Variants in ASIC2 observed in about 807,000 individuals in gnomAD.
ASIC2 encodes the protein acid sensing ion channel subunit 2, also known as acid-sensing ion channel 2.
ASIC2 carries 25 observed loss-of-function variants against 57.3 expected under a neutral mutation model. The observed-to-expected ratio is 0.44, with a 90% CI of 0.32 to 0.61. The LOEUF is 0.61. Ranked by LOEUF, ASIC2 falls within the 20% of genes least tolerant of loss-of-function variation. The probability of loss-of-function intolerance (pLI) is 0.06; values close to 1 mark genes in which losing one functional copy is unlikely to be tolerated. For synonymous variants in ASIC2, 319 were observed against 307.5 expected (o/e 1.04, Z -0.39); for missense variants, 641 against 738.1 (o/e 0.87, Z 1.52).
intron 1 of ASIC2, among the ~76,000 whole-genome samples, chr17:33,113,711 T>C (rs1289203855): frequency 6.6e-6 from 1 of 152,262 alleles, no homozygotes; most frequent in Non-Finnish European, 1.5e-5. Context: ...GCTTATCTGT[T>C]ATCTCATTTA....
intron 1 of ASIC2, among the ~76,000 whole-genome samples, chr17:33,177,977 A>C (rs1226434226): frequency 2.0e-5 from 3 of 152,110 alleles, no homozygotes; most frequent in Admixed American, 2.0e-4. Context: ...AAAATAACCT[A>C]GTGTGCGTGC....
At position 33,014,110 on chromosome 17, in the gene ASIC2, A is replaced by G. The variant is rs1186730346; in HGVS notation, c.1591-44T>C. On this transcript the variant is annotated intron_variant, in intron 9 of 9. Transcript: ENST00000225823. ...TGGGAGTTTATTATTCGCTCAGCAA[A>G]AATTCTTCATGATGCCACCAGCGGC... 3 of 1,485,740 alleles carry G rather than the reference A, an allele frequency of 2.0e-6. No homozygotes were observed. The African/African-American group carries it at 4.2e-5, about 21-fold the overall frequency. 92.0% of individuals were successfully genotyped at this position (1,485,740 alleles called of 1,614,324 possible). A position where few individuals can be genotyped will look rare whatever the true frequency, so the allele number is the denominator to read the frequency against.
chr17:33,068,528 T>TCAAAACAAAACAAAA (rs59094832), intron 3 of ASIC2, among the ~76,000 whole-genome samples: 10,631 of 149,354 alleles, frequency 0.071, 435 homozygotes, highest in Middle Eastern at 0.11. Flanking sequence ...AAACTCCATC[T>TCAAAACAAAACAAAA]CAAAACAAAA....
At position 34,009,663 on chromosome 17, in the gene ASIC2, T is replaced by C. The variant is rs118011800; in HGVS notation, c.555+146315A>G. ...CTGCTCTGAGGGAAGTAAGTACCATTTATCCCAAGCACATGCTGGTTTATA... is the reference window on the plus strand; with the variant it reads ...CTGCTCTGAGGGAAGTAAGTACCATCTATCCCAAGCACATGCTGGTTTATA... On this transcript the variant is annotated intron_variant, in intron 1 of 9. Transcript: ENST00000359872. 3.8e-4 allele frequency among the ~76,000 whole-genome samples: 58 copies of C among 152,314 alleles called. No individual in the cohort carries two copies. In the East Asian group the frequency reaches 0.01, roughly 27 times the overall value.
At chr17:33,953,365 A>G (rs942817798) in intron 1 of ASIC2, among the ~76,000 whole-genome samples, 6 of 152,206 alleles carry the variant, frequency 3.9e-5, no homozygotes, top group Non-Finnish European at 1.5e-5. Context: ...AATCAATCCA[A>G]TAGATTTTCA....
At chr17:33,174,351 G>A (rs1014835468) in intron 1 of ASIC2, among the ~76,000 whole-genome samples, 1 of 151,608 alleles carries the variant, frequency 6.6e-6, no homozygotes, top group African/African-American at 2.4e-5. Context: ...AACCTGGGTG[G>A]TGGAGGTTGC....
intron 1 of ASIC2, among the ~76,000 whole-genome samples, chr17:33,757,400 G>C (rs546983255): frequency 1.3e-5 from 2 of 152,276 alleles, no homozygotes; most frequent in South Asian, 4.1e-4. Context: ...GAGGTGGAAG[G>C]ATTGCTTGAG....
At chr17:33,580,614 A>G (rs1032106641) in intron 1 of ASIC2, among the ~76,000 whole-genome samples, 1 of 151,996 alleles carries the variant, frequency 6.6e-6, no homozygotes, top group African/African-American at 2.4e-5. Flanking sequence ...CAGGATTAGG[A>G]GGAGTTAAGA....
At chr17:33,435,049 T>A (rs1043991967) in intron 1 of ASIC2, among the ~76,000 whole-genome samples, 1 of 152,224 alleles carries the variant, frequency 6.6e-6, no homozygotes, top group Non-Finnish European at 1.5e-5. Flanking sequence ...ACCAGGACAC[T>A]CATTTTGAAG....
At chr17:34,040,013 G>T (rs1174800726) in intron 1 of ASIC2, 1 of 526,984 alleles carries the variant, frequency 1.9e-6, no homozygotes, top group East Asian at 4.0e-5. Context: ...GCAACCCCCC[G>T]CCCGGGCAGC....
chr17:33,037,829 G>T (rs2091915504), intron 3 of ASIC2, among the ~76,000 whole-genome samples: 1 of 152,098 alleles, frequency 6.6e-6, no homozygotes, highest in South Asian at 2.1e-4. Flanking sequence ...CTAATCCACT[G>T]GTATAATTCA....
chr17:33,189,567 A>T (rs1597622287), intron 1 of ASIC2, among the ~76,000 whole-genome samples: 1 of 152,272 alleles, frequency 6.6e-6, no homozygotes, highest in East Asian at 1.9e-4. Flanking sequence ...TATAGGCAAG[A>T]TCTGACTTTA....
intron 1 of ASIC2, among the ~76,000 whole-genome samples, chr17:33,465,959 C>T (rs1484047757): frequency 6.6e-6 from 1 of 152,106 alleles, no homozygotes; most frequent in African/African-American, 2.4e-5. Flanking sequence ...AGGATAAAGC[C>T]AGAGAGAGTG....
At chr17:33,279,748 G>C (rs893900544) in intron 1 of ASIC2, among the ~76,000 whole-genome samples, 3 of 152,128 alleles carry the variant, frequency 2.0e-5, no homozygotes, top group African/African-American at 7.2e-5. Context: ...TTAGACAGTT[G>C]TGGTGGCGTG....
chr17:33,818,098 G>T (rs73986797), intron 1 of ASIC2, among the ~76,000 whole-genome samples: 3 of 152,104 alleles, frequency 2.0e-5, no homozygotes, highest in Non-Finnish European at 4.4e-5. Context: ...CTTCATCAGC[G>T]CAGCCATAAA....
intron 1 of ASIC2, among the ~76,000 whole-genome samples, chr17:33,505,627 C>G (rs1019674074): frequency 2.6e-5 from 4 of 152,236 alleles, no homozygotes; most frequent in Non-Finnish European, 5.9e-5. Flanking sequence ...CCTCTGTGAT[C>G]TGGCTTCTGC....
rs115706103 is a variant in ASIC2, at chr17:33,222,684, C to T, written c.708+68724G>A. On this transcript the variant is annotated intron_variant, in intron 1 of 9. Transcript: ENST00000225823. The stretch of plus-strand genomic sequence containing the variant: ...ACTCCCCTGGCTTAATGCTGGCCTG[C>T]TGTTCACATAAATAAACAGGAATGT... Among the ~76,000 whole-genome samples the T allele has an allele frequency of 2.8e-3, 420 of 152,318 alleles. 2 individuals are homozygous for T. Among genetic ancestry groups the T allele is most frequent in the African/African-American group, 9.3e-3 (388 of 41,566 alleles).
chr17:33,920,478 T>C (rs887470781), intron 1 of ASIC2, among the ~76,000 whole-genome samples: 1 of 152,002 alleles, frequency 6.6e-6, no homozygotes, highest in Non-Finnish European at 1.5e-5. Context: ...ATACCACAGG[T>C]TCTCACTTAT....
chr17:34,044,725 G>A (rs143865359), intron 1 of ASIC2, among the ~76,000 whole-genome samples: 168 of 152,212 alleles, frequency 1.1e-3, no homozygotes, highest in Admixed American at 2.7e-3. Flanking sequence ...TTGAAGGAAC[G>A]GTGCCTGGGG....
Sources: gnomAD v4.1 joint callset for allele counts (sites outside exome capture counted in the v4.1 genomes callset) on GRCh38, gnomAD v4.1.1 for gene constraint, MANE v1.5 for transcripts, NCBI Gene and HGNC (gene_info 2026-07-23, HGNC 2026-07-21) for gene names.